HS3ST3A1: variants seen among roughly 807,000 people sequenced by gnomAD.
HS3ST3A1 encodes the protein heparan sulfate-glucosamine 3-sulfotransferase 3A1, also known as heparan sulfate glucosamine 3-O-sulfotransferase 3A1.
In HS3ST3A1, 19 loss-of-function variants were observed where a neutral mutation model predicts 25.7. The ratio of observed to expected loss-of-function variants is 0.74; its 90% CI spans 0.52 to 1.08. HS3ST3A1 has a LOEUF of 1.08. Among genes scored for constraint, HS3ST3A1 ranks in the 50% least tolerant of loss-of-function variants. The probability of loss-of-function intolerance (pLI) is 0.00; values close to 1 mark genes in which losing one functional copy is unlikely to be tolerated. For synonymous variants in HS3ST3A1, 226 were observed against 278.6 expected (o/e 0.81, Z 1.88); for missense variants, 459 against 594.3 (o/e 0.77, Z 2.37).
chr17:13,545,845 C>T lies in HS3ST3A1; in HGVS notation c.600-49027G>A, dbSNP rs376690119. The stretch of plus-strand genomic sequence containing the variant: ...CAAAAATTAGCCGGGTGTGGTGGTG[C>T]GCACCTATAGAGTCCCAGCTACTCA... On this transcript the variant is annotated intron_variant, in intron 1 of 1. Coordinates refer to ENST00000284110, the MANE Select transcript of HS3ST3A1 (RefSeq NM_006042.3). 1.8e-4 allele frequency among the ~76,000 whole-genome samples: 27 copies of T among 152,080 alleles called. No individual in the cohort carries two copies. In the East Asian group the frequency reaches 3.1e-3, roughly 17 times the overall value.
At chr17:13,567,870 A>C (rs1008780421) in intron 1 of HS3ST3A1, among the ~76,000 whole-genome samples, 1 of 152,246 alleles carries the variant, frequency 6.6e-6, no homozygotes, top group Non-Finnish European at 1.5e-5. Context: ...GCATTGTTGA[A>C]ATGACAACAA....
intron 1 of HS3ST3A1, among the ~76,000 whole-genome samples, chr17:13,566,366 C>T (rs1272895094): frequency 6.6e-6 from 1 of 152,100 alleles, no homozygotes; most frequent in African/African-American, 2.4e-5. Flanking sequence ...CTCCACAGAC[C>T]AGCTATCCCC....
intron 1 of HS3ST3A1, among the ~76,000 whole-genome samples, chr17:13,598,000 G>C (rs137995553): frequency 6.6e-6 from 1 of 152,298 alleles, no homozygotes; most frequent in African/African-American, 2.4e-5. Context: ...AGACCTTTTA[G>C]GATTCTCCCG....
chr17:13,564,417 G>A (rs1028122880), intron 1 of HS3ST3A1, among the ~76,000 whole-genome samples: 1 of 152,060 alleles, frequency 6.6e-6, no homozygotes, highest in South Asian at 2.1e-4. Flanking sequence ...ATTGGTTCCA[G>A]TACCCCCTAA....
intron 1 of HS3ST3A1, among the ~76,000 whole-genome samples, chr17:13,541,770 G>T (rs2142345182): frequency 6.6e-6 from 1 of 152,262 alleles, no homozygotes; most frequent in South Asian, 2.1e-4. Flanking sequence ...TTCGTTCAGT[G>T]GGCACAAATC....
chr17:13,597,563 TGAG>T (rs1477068971), intron 1 of HS3ST3A1, among the ~76,000 whole-genome samples: 4 of 152,168 alleles, frequency 2.6e-5, no homozygotes, highest in African/African-American at 9.7e-5. Context: ...AATTAAGTAA[TGAG>T]GAGTGTTTTT....
intron 1 of HS3ST3A1, among the ~76,000 whole-genome samples, chr17:13,597,178 A>G (rs754883828): frequency 1.3e-5 from 2 of 152,178 alleles, no homozygotes; most frequent in Non-Finnish European, 2.9e-5. Context: ...TAATAGACTG[A>G]AATATTATTG....
intron 1 of HS3ST3A1, among the ~76,000 whole-genome samples, chr17:13,525,015 TG>T: frequency 6.6e-6 from 1 of 152,336 alleles, no homozygotes; most frequent in Middle Eastern, 3.4e-3. Context: ...CTTTGCCTGA[TG>T]CTAATTTTGT....
intron 1 of HS3ST3A1, among the ~76,000 whole-genome samples, chr17:13,539,395 C>A (rs1034908231): frequency 6.6e-6 from 1 of 152,192 alleles, no homozygotes; most frequent in South Asian, 2.1e-4. Flanking sequence ...GTCAACCGTA[C>A]TAGCTCCCAA....
At chr17:13,582,562 G>A (rs1322649702) in intron 1 of HS3ST3A1, among the ~76,000 whole-genome samples, 1 of 152,204 alleles carries the variant, frequency 6.6e-6, no homozygotes, top group Non-Finnish European at 1.5e-5. Flanking sequence ...ATGCTTGCAT[G>A]AATACAGCCA....
At chr17:13,593,823 C>T (rs1011066727) in intron 1 of HS3ST3A1, among the ~76,000 whole-genome samples, 19 of 152,172 alleles carry the variant, frequency 1.2e-4, no homozygotes, top group Non-Finnish European at 2.1e-4. Context: ...TAGAACAGTA[C>T]AACGATCAAA....
chr17:13,495,592 A>G lies in HS3ST3A1; in HGVS notation c.*605T>C, dbSNP rs1905243173. On this transcript the variant is annotated 3_prime_UTR_variant, in exon 2 of 2. Coordinates refer to ENST00000284110, the MANE Select transcript of HS3ST3A1 (RefSeq NM_006042.3). Reference sequence around the variant, plus strand: ...TTGTCCAGGGTCCATCCAACATTTGACCTTTAGATACATTATTTCACCTCC... The same window carrying G: ...TTGTCCAGGGTCCATCCAACATTTGGCCTTTAGATACATTATTTCACCTCC... The G allele has an allele frequency of 6.6e-6, 1 of 152,238 alleles. No individual in the cohort carries two copies. Among genetic ancestry groups the G allele is most frequent in the African/African-American group, 2.4e-5 (1 of 41,446 alleles). 9.4% of individuals were successfully genotyped at this position (152,238 alleles called of 1,614,324 possible).
chr17:13,600,334 T>C (rs940737669), intron 1 of HS3ST3A1, among the ~76,000 whole-genome samples, 197 bp downstream of exon 1: 6 of 152,044 alleles, frequency 3.9e-5, no homozygotes, highest in Admixed American at 3.9e-4. Flanking sequence ...GGCCAGAATT[T>C]CCCTCCCACT....
intron 1 of HS3ST3A1, among the ~76,000 whole-genome samples, chr17:13,513,881 T>C (rs1453498735): frequency 6.6e-5 from 10 of 152,312 alleles, no homozygotes; most frequent in Admixed American, 2.0e-4. Context: ...AAGGTATTTA[T>C]ATTTTGTCTT....
At chr17:13,512,558 T>C (rs968437332) in intron 1 of HS3ST3A1, among the ~76,000 whole-genome samples, 3 of 152,154 alleles carry the variant, frequency 2.0e-5, no homozygotes, top group African/African-American at 7.2e-5. Context: ...TTTGCAAATG[T>C]ATCCTCTCGG....
At chr17:13,504,304 G>A (rs1286252997) in intron 1 of HS3ST3A1, among the ~76,000 whole-genome samples, 7 of 102,870 alleles carry the variant, frequency 6.8e-5, no homozygotes, top group South Asian at 3.0e-4. Flanking sequence ...GCGACAGAGC[G>A]AGACTCCATC....
chr17:13,510,256 C>T (rs533055930), intron 1 of HS3ST3A1, among the ~76,000 whole-genome samples: 52 of 152,270 alleles, frequency 3.4e-4, no homozygotes, highest in Admixed American at 3.3e-3. Flanking sequence ...GTGCTATCGG[C>T]TTTTGTGCAA....
chr17:13,569,564 A>G (rs1273718678), intron 1 of HS3ST3A1, among the ~76,000 whole-genome samples: 1 of 152,166 alleles, frequency 6.6e-6, no homozygotes, highest in Non-Finnish European at 1.5e-5. Flanking sequence ...CAAAGCCTGC[A>G]TGAATCAGGT....
chr17:13,579,879 CAG>C (rs1908061970), intron 1 of HS3ST3A1, among the ~76,000 whole-genome samples: 1 of 134,856 alleles, frequency 7.4e-6, no homozygotes, highest in South Asian at 2.3e-4. Flanking sequence ...GCCTGGGAGG[CAG>C]AGGTTGCAGT....
Sources: allele counts gnomAD v4.1 joint callset (sites outside exome capture counted in the v4.1 genomes callset), GRCh38; gene constraint gnomAD v4.1.1; transcripts MANE v1.5; gene names NCBI Gene and HGNC (gene_info 2026-07-23, HGNC 2026-07-21).